Variants in LMF1 observed in about 807,000 individuals in gnomAD.
LMF1 encodes the protein transmembrane protein 112.
A neutral mutation model predicts 60.6 loss-of-function variants in LMF1; 68 were observed. That is an observed-to-expected ratio of 1.12 (90% CI 0.92 to 1.37). LMF1 has a LOEUF of 1.37. LMF1 is among the 40% of genes most tolerant of loss of function. The probability of loss-of-function intolerance (pLI) is 0.00; values close to 1 mark genes in which losing one functional copy is unlikely to be tolerated. For synonymous variants in LMF1, 418 were observed against 324.7 expected, an observed-to-expected ratio of 1.29 and a Z score of -3.09; for missense variants, 948 against 767.2, an observed-to-expected ratio of 1.24 and a Z score of -2.78.
intron 1 of LMF1, chr16:980,064 ACCTACGATGCGTGGAG>A: frequency 3.2e-6 from 1 of 307,932 alleles, no homozygotes; most frequent in South Asian, 2.8e-5. Context: ...CCAGCTCTCC[ACCTACGATGCGTGGAG>A]CCTCCCAACT....
chr16:869,261 C>G (rs2069704927), intron 9 of LMF1: 1 of 667,432 alleles, frequency 1.5e-6, no homozygotes, highest in Non-Finnish European at 2.7e-6. Context: ...CCCATGTCGG[C>G]CGCTGGCTTC....
intron 6 of LMF1, among the ~76,000 whole-genome samples, chr16:877,460 G>T (rs185961909): frequency 6.6e-6 from 1 of 151,194 alleles, no homozygotes; most frequent in African/African-American, 2.4e-5. Context: ...CCAGACTCCC[G>T]CAGAGGAAGA....
chr16:917,189 C>T (rs1452729815), intron 3 of LMF1, among the ~76,000 whole-genome samples: 1 of 152,240 alleles, frequency 6.6e-6, no homozygotes, highest in Non-Finnish European at 1.5e-5. Flanking sequence ...GACGGGTCAC[C>T]ACCATCTCAC....
intron 2 of LMF1, among the ~76,000 whole-genome samples, chr16:939,950 G>A (rs953368788): frequency 6.6e-6 from 1 of 152,148 alleles, no homozygotes; most frequent in Non-Finnish European, 1.5e-5. Flanking sequence ...CTCTGTGGAG[G>A]TAATTAAGTT....
At chr16:868,779 G>T (rs1044441004) in intron 10 of LMF1, among the ~76,000 whole-genome samples, 165 bp downstream of exon 10, 6 of 128,576 alleles carry the variant, frequency 4.7e-5, no homozygotes, top group South Asian at 2.3e-4. Flanking sequence ...TGTGGGGCGG[G>T]GGGGGGGGGC....
chr16:875,155 G>T lies in LMF1; in HGVS notation c.898-3814C>A, dbSNP rs146605860. 2.3e-3 allele frequency among the ~76,000 whole-genome samples: 348 copies of T among 152,232 alleles called. 1 individual carries two copies. Among genetic ancestry groups the T allele is most frequent in the African/African-American group, 8.0e-3 (331 of 41,520 alleles). On this transcript the variant is annotated intron_variant, in intron 6 of 10. Coordinates refer to ENST00000262301, the MANE Select transcript of LMF1 (RefSeq NM_022773.4). ...GAGGCCTGGAAGGGAGGCGCTGCCT[G>T]TGCCGGGTCTTTGAGGGTGGTGCTC...
At chr16:895,394 C>T (rs921101226) in intron 4 of LMF1, among the ~76,000 whole-genome samples, 2 of 152,194 alleles carry the variant, frequency 1.3e-5, no homozygotes, top group Admixed American at 6.5e-5. Context: ...GGTGATGGAC[C>T]AGGGACCCCA....
chr16:924,967 A>AG (rs1205822914), intron 3 of LMF1, among the ~76,000 whole-genome samples: 1 of 152,240 alleles, frequency 6.6e-6, no homozygotes, highest in Non-Finnish European at 1.5e-5. Flanking sequence ...GCCACCGCAC[A>AG]GACTGTGCCC....
intron 10 of LMF1, among the ~76,000 whole-genome samples, chr16:868,377 C>A (rs555127015): frequency 1.2e-4 from 18 of 152,318 alleles, no homozygotes; most frequent in Admixed American, 8.5e-4. Context: ...TGCGTGGAGT[C>A]TGGAAAGTCA....
chr16:868,494 C>T (rs1418022324), intron 10 of LMF1, among the ~76,000 whole-genome samples: 5 of 152,170 alleles, frequency 3.3e-5, no homozygotes, highest in South Asian at 2.1e-4. Context: ...CGTCACTGGC[C>T]GGAGTGGGCG....
intron 6 of LMF1, among the ~76,000 whole-genome samples, chr16:876,041 G>GC (rs2151708573): frequency 6.6e-6 from 1 of 152,356 alleles, no homozygotes; most frequent in African/African-American, 2.4e-5. Flanking sequence ...GGCACAGCCG[G>GC]CCCTGGCCCC....
chr16:905,707 T>A (rs574583799), intron 4 of LMF1, among the ~76,000 whole-genome samples: 135 of 152,336 alleles, frequency 8.9e-4, no homozygotes, highest in Non-Finnish European at 1.5e-3. Flanking sequence ...TCCTGATCTG[T>A]GCCTTGTCAT....
intron 1 of LMF1, among the ~76,000 whole-genome samples, chr16:955,980 G>A (rs1487896352): frequency 6.7e-6 from 1 of 150,280 alleles, no homozygotes; most frequent in Non-Finnish European, 1.5e-5. Flanking sequence ...AGGTCTCCGA[G>A]TTCACGTCTC....
chr16:859,872 C>G (rs1367385505), intron 10 of LMF1, among the ~76,000 whole-genome samples: 1 of 126,398 alleles, frequency 7.9e-6, no homozygotes, highest in Non-Finnish European at 1.5e-5. Context: ...AGTGGTGTCT[C>G]GGGATGGGTG....
intron 3 of LMF1, among the ~76,000 whole-genome samples, chr16:932,795 T>C (rs879846596): frequency 9.9e-5 from 15 of 152,266 alleles, no homozygotes; most frequent in Non-Finnish European, 1.6e-4. Context: ...TAGTTTTCTC[T>C]GTGGGCATTT....
At chr16:871,389 C>T (rs1441622151) in intron 6 of LMF1, 48 bp from the exon 7 acceptor site, 1 of 1,587,060 alleles carries the variant, frequency 6.3e-7, no homozygotes, top group South Asian at 1.1e-5. Flanking sequence ...CGTGTGGGGC[C>T]CCTGGGCAGC....
chr16:859,247 C>CAGTGGTGTCACGGGACGGGTGTG (rs2069341204), intron 10 of LMF1, among the ~76,000 whole-genome samples: 3 of 50,284 alleles, frequency 6.0e-5, no homozygotes, highest in Admixed American at 2.4e-4. Flanking sequence ...GACGGGTGTG[C>CAGTGGTGTCACGGGACGGGTGTG]AGTGGTGTCA....
intron 3 of LMF1, chr16:931,843 C>T (rs772536976): frequency 1.7e-5 from 22 of 1,268,542 alleles, no homozygotes; most frequent in South Asian, 7.5e-5. Flanking sequence ...GGCTCTCAGG[C>T]GGAAAACATT....
In LMF1 at chr16:869,675, C is replaced by T. The variant is rs563294507; in HGVS notation, c.1416+208G>A. ...ACACTACCTGGCAGACCCGGGGGGA[C>T]GGTGGGGCTGGGCTCCCACATGAGG... On this transcript the variant is annotated intron_variant, in intron 9 of 10. Coordinates refer to ENST00000262301, the MANE Select transcript of LMF1 (RefSeq NM_022773.4). The T allele has an allele frequency of 1.3e-3, 869 of 659,660 alleles. 8 individuals carry two copies. The highest frequency in any genetic ancestry group is 9.8e-3 in the South Asian group (560 of 56,960). 40.9% of individuals were successfully genotyped at this position (659,660 alleles called of 1,614,324 possible). A position where few individuals can be genotyped will look rare whatever the true frequency, so the allele number is the denominator to read the frequency against.
Sources: allele counts gnomAD v4.1 joint callset (sites outside exome capture counted in the v4.1 genomes callset), GRCh38; gene constraint gnomAD v4.1.1; transcripts MANE v1.5; gene names NCBI Gene and HGNC (gene_info 2026-07-23, HGNC 2026-07-21).